Variants in TGFBR3 observed in about 807,000 individuals in gnomAD.
The protein encoded by TGFBR3 is transforming growth factor beta receptor 3.
Under a neutral mutation model 87.9 loss-of-function variants are expected in TGFBR3, and 46 were observed. The observed-to-expected ratio is 0.52, with a 90% confidence interval of 0.41 to 0.67. The LOEUF is 0.67. Ranked by LOEUF, TGFBR3 falls within the 30% of genes least tolerant of loss-of-function variation. TGFBR3 has a pLI of 0.00. For synonymous variants in TGFBR3, 381 were observed against 391.6 expected, an observed-to-expected ratio of 0.97 and a Z score of 0.32; for missense variants, 866 against 1,041.9, an observed-to-expected ratio of 0.83 and a Z score of 2.32.
At chr1:91,879,956 C>A (rs1220460165) in intron 1 of TGFBR3, among the ~76,000 whole-genome samples, 1 of 152,112 alleles carries the variant, frequency 6.6e-6, no homozygotes, top group Non-Finnish European at 1.5e-5. Flanking sequence ...AGACACTGAA[C>A]AAATTAGCAA....
intron 2 of TGFBR3, 44 bp downstream of exon 2, chr1:91,861,427 C>A (rs1196572561): frequency 6.9e-7 from 1 of 1,449,398 alleles, no homozygotes; most frequent in Non-Finnish European, 9.7e-7. Flanking sequence ...CAAAATATAT[C>A]CAAAAATATA....
At chr1:91,705,200 T>G (rs948802553) in intron 14 of TGFBR3, among the ~76,000 whole-genome samples, 1 of 151,598 alleles carries the variant, frequency 6.6e-6, no homozygotes, top group Non-Finnish European at 1.5e-5. Flanking sequence ...CCAATGCAAT[T>G]AGGCAAATGG....
intron 1 of TGFBR3, among the ~76,000 whole-genome samples, chr1:91,903,451 A>C (rs539864285): frequency 6.6e-6 from 1 of 152,006 alleles, no homozygotes; most frequent in African/African-American, 2.4e-5. Flanking sequence ...ATTATCTATA[A>C]GAATTTTGAC....
At chr1:91,894,387 C>T (rs182140621) in intron 2 of TGFBR3, among the ~76,000 whole-genome samples, 4 of 152,146 alleles carry the variant, frequency 2.6e-5, no homozygotes, top group South Asian at 2.1e-4. Flanking sequence ...CTTACTTGAC[C>T]CCATCTATCC....
chr1:91,762,131 G>C (rs892429117), intron 3 of TGFBR3, among the ~76,000 whole-genome samples: 1 of 152,114 alleles, frequency 6.6e-6, no homozygotes, highest in African/African-American at 2.4e-5. Flanking sequence ...GAACCAAAGG[G>C]GATGCAGCTC....
At chr1:91,798,301 C>T (rs751016613) in intron 2 of TGFBR3, among the ~76,000 whole-genome samples, 1 of 152,170 alleles carries the variant, frequency 6.6e-6, no homozygotes, top group Non-Finnish European at 1.5e-5. Context: ...AAATGCCTGC[C>T]GTTGGCATCT....
chr1:91,727,484 T>C lies in TGFBR3; in HGVS notation c.885+175A>G, dbSNP rs1672590365. On this transcript the variant is annotated intron_variant, in intron 7 of 16. Coordinates refer to ENST00000212355, the MANE Select transcript of TGFBR3 (RefSeq NM_003243.5). ...CTGGGTCCGTCTTAATCCAAGGCCA[T>C]GTTTGAACAACCGCACCTATTTTAT... Among the ~76,000 whole-genome samples the C allele has an allele frequency of 2.0e-5, 3 of 152,226 alleles. No homozygotes were observed. The South Asian group carries it at 6.2e-4, about 31-fold the overall frequency.
intron 1 of TGFBR3, among the ~76,000 whole-genome samples, chr1:91,878,639 T>C (rs10875033): frequency 0.53 from 80,384 of 152,048 alleles, 21,767 homozygotes; most frequent in Middle Eastern, 0.63. Context: ...GGCAATCTGA[T>C]CCACAGGAAA....
At chr1:91,828,543 T>C (rs1676729059) in intron 2 of TGFBR3, among the ~76,000 whole-genome samples, 2 of 152,294 alleles carry the variant, frequency 1.3e-5, no homozygotes, top group South Asian at 4.1e-4. Flanking sequence ...ACAGGAGAGT[T>C]CATAAGGAAT....
At chr1:91,752,073 A>G (rs976116031) in intron 4 of TGFBR3, among the ~76,000 whole-genome samples, 1 of 152,210 alleles carries the variant, frequency 6.6e-6, no homozygotes, top group Non-Finnish European at 1.5e-5. Flanking sequence ...AGTTAGTGGC[A>G]GAGCCAAGAC....
At chr1:91,763,642 T>C (rs1674057981) in intron 3 of TGFBR3, among the ~76,000 whole-genome samples, 1 of 152,136 alleles carries the variant, frequency 6.6e-6, no homozygotes, top group Non-Finnish European at 1.5e-5. Flanking sequence ...ACTGAAAACA[T>C]CCTGAATCTG....
chr1:91,693,013 G>A (rs542780290), intron 16 of TGFBR3, among the ~76,000 whole-genome samples: 1 of 152,322 alleles, frequency 6.6e-6, no homozygotes, highest in African/African-American at 2.4e-5. Context: ...AACGGACTGA[G>A]TCAGTATTTG....
chr1:91,737,015 G>A (rs1257777112), intron 4 of TGFBR3, among the ~76,000 whole-genome samples: 1 of 152,218 alleles, frequency 6.6e-6, no homozygotes, highest in Non-Finnish European at 1.5e-5. Context: ...ATTGTGTCCT[G>A]AAGTAATTAA....
At chr1:91,692,873 G>T (rs900557497) in intron 16 of TGFBR3, among the ~76,000 whole-genome samples, 1 of 152,216 alleles carries the variant, frequency 6.6e-6, no homozygotes, top group African/African-American at 2.4e-5. Context: ...ACATGGAATG[G>T]AAAGCGTAAA....
intron 1 of TGFBR3, among the ~76,000 whole-genome samples, chr1:91,881,139 G>T (rs1328789151): frequency 1.3e-5 from 2 of 152,126 alleles, no homozygotes; most frequent in Non-Finnish European, 2.9e-5. Context: ...TAACTGTTCT[G>T]TCTGTTAAGC....
intron 3 of TGFBR3, among the ~76,000 whole-genome samples, chr1:91,787,690 C>T (rs757791212): frequency 3.9e-5 from 6 of 152,108 alleles, no homozygotes; most frequent in African/African-American, 1.2e-4. Context: ...CAAGAACCCC[C>T]GAGGTTAGGC....
intron 3 of TGFBR3, among the ~76,000 whole-genome samples, chr1:91,762,817 T>C (rs989082602): frequency 1.2e-4 from 19 of 152,232 alleles, no homozygotes; most frequent in African/African-American, 4.6e-4. Context: ...CATACAATTT[T>C]ATAAAGAAAT....
At chr1:91,782,367 A>C (rs529538466) in intron 3 of TGFBR3, among the ~76,000 whole-genome samples, 1 of 152,298 alleles carries the variant, frequency 6.6e-6, no homozygotes, top group South Asian at 2.1e-4. Context: ...GCCCGAATTT[A>C]AGACAGCTTG....
chr1:91,875,981 G>GCTCC (rs1678792457), intron 1 of TGFBR3, among the ~76,000 whole-genome samples: 1 of 143,280 alleles, frequency 7.0e-6, no homozygotes, highest in Non-Finnish European at 1.5e-5. Flanking sequence ...GAACATAAGA[G>GCTCC]GAAAACCAGG....
Sources: gnomAD v4.1 joint callset for allele counts (sites outside exome capture counted in the v4.1 genomes callset) on GRCh38, gnomAD v4.1.1 for gene constraint, MANE v1.5 for transcripts, NCBI Gene and HGNC (gene_info 2026-07-23, HGNC 2026-07-21) for gene names.